The following FOCAD variants were observed in gnomAD, a reference collection of about 807,000 sequenced individuals.
FOCAD encodes focadhesin.
FOCAD carries 198 observed loss-of-function variants against 225.6 expected under a neutral mutation model. The ratio of observed to expected loss-of-function variants is 0.88; its 90% CI spans 0.78 to 0.99. The LOEUF (loss-of-function observed/expected upper bound fraction) is 0.99, where lower values mean the gene tolerates loss of function less well. Ranked by LOEUF, FOCAD falls within the 50% of genes least tolerant of loss-of-function variation. The pLI, the probability that FOCAD is intolerant of heterozygous loss-of-function variation, is 0.00. For synonymous variants in FOCAD, 897 were observed against 755.0 expected (o/e 1.19, Z -3.08); for missense variants, 2,713 against 2,123.6 (o/e 1.28, Z -5.46).
At chr9:20,853,212 A>G (rs1827843088) in intron 15 of FOCAD, among the ~76,000 whole-genome samples, 1 of 151,758 alleles carries the variant, frequency 6.6e-6, no homozygotes, top group African/African-American at 2.4e-5. Flanking sequence ...CAGAGAAATC[A>G]ATGGAATTTG....
chr9:20,703,592 A>G (rs1347546604), intron 1 of FOCAD, among the ~76,000 whole-genome samples: 2 of 151,998 alleles, frequency 1.3e-5, no homozygotes, highest in African/African-American at 4.8e-5. Flanking sequence ...ATTTCTCTCT[A>G]GTGACTTGCA....
chr9:20,717,786 T>A lies in FOCAD; in HGVS notation c.58-8T>A. The A allele has an allele frequency of 6.2e-7, 1 of 1,607,892 alleles. No homozygotes were observed. Among genetic ancestry groups the A allele is most frequent in the Non-Finnish European group, 8.5e-7 (1 of 1,176,762 alleles). ...GGACTGTGTTCATTAATTTTATTTC[T>A]TTTTAAGGCTGTGGGTCATCTTATT... On this transcript the variant is annotated splice_polypyrimidine_tract_variant and splice_region_variant and intron_variant, in intron 2 of 43. Transcript: ENST00000338382.
chr9:20,793,846 A>C (rs1287642159), intron 11 of FOCAD, among the ~76,000 whole-genome samples: 1 of 152,196 alleles, frequency 6.6e-6, no homozygotes, highest in Non-Finnish European at 1.5e-5. Flanking sequence ...AATTTTGCTC[A>C]AGGGAAAATA....
chr9:20,957,478 C>CTTTTTTTTTTCTTTTTTTTT (rs1838274912), intron 35 of FOCAD: 1 of 81,480 alleles, frequency 1.2e-5, no homozygotes, highest in Non-Finnish European at 2.2e-5. Flanking sequence ...CTTTTCTTTT[C>CTTTTTTTTTTCTTTTTTTTT]TTTTTTTTTT....
chr9:20,975,120 C>T (rs1357181297), intron 35 of FOCAD, among the ~76,000 whole-genome samples: 1 of 151,992 alleles, frequency 6.6e-6, no homozygotes, highest in Non-Finnish European at 1.5e-5. Flanking sequence ...AATTTCCTTT[C>T]TACTGCCGAT....
chr9:20,978,384 C>A lies in FOCAD; in HGVS notation c.4307C>A (p.Ala1436Glu), dbSNP rs1482632342. The A allele has an allele frequency of 1.2e-6, 2 of 1,611,864 alleles. No individual in the cohort carries two copies. The highest frequency in any genetic ancestry group is 1.7e-6 in the Non-Finnish European group (2 of 1,178,830). ...TGCCTTGAAATTATGGTGACCCAGGCACAGTCATCCCAGAATGCAGCTGCA... is the reference window on the plus strand; with the variant it reads ...TGCCTTGAAATTATGGTGACCCAGGAACAGTCATCCCAGAATGCAGCTGCA... ...QLCLEIMVTQAQSSQNAAALL... is the reference protein window; with the variant it reads ...QLCLEIMVTQEQSSQNAAALL... Residue 1436 changes from alanine to glutamate, a missense_variant, in exon 37 of 44, where the codon GCA becomes GAA. Physicochemically the swap from Ala to Glu is moderately radical, Grantham distance 107. Transcript: ENST00000338382.
intron 15 of FOCAD, among the ~76,000 whole-genome samples, chr9:20,830,737 G>C (rs1031283757): frequency 6.6e-6 from 1 of 152,064 alleles, no homozygotes; most frequent in Admixed American, 6.6e-5. Context: ...GAGTGCAGTG[G>C]TGTGGTCATG....
At chr9:20,978,825 A>G (rs1348851523) in intron 37 of FOCAD, among the ~76,000 whole-genome samples, 1 of 152,220 alleles carries the variant, frequency 6.6e-6, no homozygotes, top group Non-Finnish European at 1.5e-5. Context: ...ATCCATATGT[A>G]CCGGACTTAT....
At chr9:20,900,655 G>A (rs182812680) in intron 21 of FOCAD, among the ~76,000 whole-genome samples, 55 of 151,942 alleles carry the variant, frequency 3.6e-4, no homozygotes, top group African/African-American at 1.2e-3. Flanking sequence ...ATAATAATGG[G>A]GAGAAGTGGT....
chr9:20,809,640 T>C (rs1401767061), intron 11 of FOCAD, among the ~76,000 whole-genome samples: 1 of 152,172 alleles, frequency 6.6e-6, no homozygotes, highest in East Asian at 1.9e-4. Context: ...TTTTTGTCTA[T>C]AGAAACGATT....
Position 20,684,313 on chromosome 9 carries a change from G to C in FOCAD, c.-33+20G>C, listed in dbSNP as rs1440366873. The C allele has an allele frequency of 1.3e-5, 2 of 152,226 alleles. No individual in the cohort carries two copies. 9.4% of individuals were successfully genotyped at this position (152,226 alleles called of 1,614,324 possible). A position where few individuals can be genotyped will look rare whatever the true frequency, so the allele number is the denominator to read the frequency against. On this transcript the variant is annotated intron_variant, in intron 1 of 43. Transcript: ENST00000338382. ...AGGGAGGTAAGCCGTGCGGGGCGGC[G>C]GGCTGCCACCGCTGCACCCCTGCTC...
chr9:20,689,928 G>A (rs1194759757), intron 1 of FOCAD, among the ~76,000 whole-genome samples: 2 of 152,232 alleles, frequency 1.3e-5, no homozygotes, highest in African/African-American at 4.8e-5. Flanking sequence ...TCGGAGAAAG[G>A]ATGGACAGTG....
At chr9:20,692,984 T>C (rs1823065546) in intron 1 of FOCAD, among the ~76,000 whole-genome samples, 1 of 152,202 alleles carries the variant, frequency 6.6e-6, no homozygotes. Flanking sequence ...TCTTTCCCCT[T>C]ACAGTATTGT....
intron 21 of FOCAD, among the ~76,000 whole-genome samples, chr9:20,904,579 A>C (rs897267761): frequency 6.6e-6 from 1 of 151,932 alleles, no homozygotes; most frequent in Non-Finnish European, 1.5e-5. Context: ...TTTCATTATA[A>C]TTCACTGCCT....
At chr9:20,959,846 T>C (rs994366919) in intron 35 of FOCAD, among the ~76,000 whole-genome samples, 1 of 152,218 alleles carries the variant, frequency 6.6e-6, no homozygotes, top group African/African-American at 2.4e-5. Flanking sequence ...TTGCTATAGA[T>C]ATATAGATTA....
At chr9:20,793,144 G>C (rs73438371) in intron 11 of FOCAD, among the ~76,000 whole-genome samples, 2,702 of 152,204 alleles carry the variant, frequency 0.018, 76 homozygotes, top group African/African-American at 0.062. Context: ...TAAATAGCTT[G>C]ATAGATAAGA....
At chr9:20,890,861 ATT>A (rs71334561) in intron 21 of FOCAD, among the ~76,000 whole-genome samples, 3 of 151,644 alleles carry the variant, frequency 2.0e-5, no homozygotes, top group Non-Finnish European at 2.9e-5. Flanking sequence ...ACATGAGGCT[ATT>A]TTTTTTTAAT....
rs1829302012 is a variant in FOCAD, at chr9:20,866,803, G to A, written c.2107-126G>A. ...TAATACCATTTTCAAAGCACTGACTGTAGAACTTTGGGATTGGTGAGGGAA... is the reference window on the plus strand; with the variant it reads ...TAATACCATTTTCAAAGCACTGACTATAGAACTTTGGGATTGGTGAGGGAA... On this transcript the variant is annotated intron_variant, in intron 17 of 43. Coordinates refer to ENST00000338382, the MANE Select transcript of FOCAD (RefSeq NM_001375567.1). 4 of 592,024 alleles carry A rather than the reference G, an allele frequency of 6.8e-6. No homozygotes were observed. In the South Asian group the frequency reaches 9.2e-5, roughly 14 times the overall value. 36.7% of individuals were successfully genotyped at this position (592,024 alleles called of 1,614,324 possible).
chr9:20,674,406 A>G (rs879380587), intron 2 of FOCAD, among the ~76,000 whole-genome samples: 2 of 152,232 alleles, frequency 1.3e-5, no homozygotes, highest in Non-Finnish European at 2.9e-5. Flanking sequence ...ACTACACATC[A>G]GCTTCTCCCC....
Sources: allele counts gnomAD v4.1 joint callset (sites outside exome capture counted in the v4.1 genomes callset), GRCh38; gene constraint gnomAD v4.1.1; transcripts MANE v1.5; gene names NCBI Gene and HGNC (gene_info 2026-07-23, HGNC 2026-07-21).